ANKS1B: variants seen among roughly 807,000 people sequenced by gnomAD.
The protein encoded by ANKS1B is ankyrin repeat and sterile alpha motif domain-containing protein 1B.
ANKS1B carries 36 observed loss-of-function variants against 148.3 expected under a neutral mutation model. The observed-to-expected ratio is 0.24, with a 90% CI of 0.19 to 0.32. ANKS1B has a LOEUF of 0.32. ANKS1B is among the 10% of genes least tolerant of loss of function. The pLI is 1.00. For synonymous variants in ANKS1B, 542 were observed against 560.8 expected (o/e 0.97, Z 0.47); for missense variants, 1,157 against 1,542.6 (o/e 0.75, Z 4.19).
intron 17 of ANKS1B, among the ~76,000 whole-genome samples, chr12:99,033,222 T>C (rs1221667221): frequency 1.3e-5 from 2 of 152,188 alleles, no homozygotes; most frequent in Non-Finnish European, 2.9e-5. Context: ...TTCTTATGTA[T>C]AGTGAGGATT....
At chr12:98,976,815 T>C (rs1300548451) in intron 17 of ANKS1B, among the ~76,000 whole-genome samples, 1 of 152,228 alleles carries the variant, frequency 6.6e-6, no homozygotes, top group Non-Finnish European at 1.5e-5. Context: ...CGTGAATTGA[T>C]AAAAGTTCTT....
chr12:99,443,097 G>A (rs2095577212), intron 11 of ANKS1B, among the ~76,000 whole-genome samples: 1 of 151,878 alleles, frequency 6.6e-6, no homozygotes, highest in Non-Finnish European at 1.5e-5. Context: ...AAAGAGAAGG[G>A]AGAAAAGAGA....
intron 12 of ANKS1B, among the ~76,000 whole-genome samples, chr12:99,368,627 AT>A (rs1475616673): frequency 1.3e-5 from 2 of 152,012 alleles, no homozygotes; most frequent in African/African-American, 2.4e-5. Flanking sequence ...ATATATGCGT[AT>A]TTTTTCTTGC....
At chr12:99,758,275 A>G (rs75569129) in intron 8 of ANKS1B, among the ~76,000 whole-genome samples, 1,752 of 152,080 alleles carry the variant, frequency 0.012, 30 homozygotes, top group African/African-American at 0.04. Flanking sequence ...ACTGCTAAAT[A>G]CTTTTTACAC....
chr12:99,568,641 T>C (rs1414683922), intron 9 of ANKS1B, among the ~76,000 whole-genome samples: 2 of 152,240 alleles, frequency 1.3e-5, no homozygotes, highest in African/African-American at 2.4e-5. Context: ...TCTTATATTC[T>C]CTGACAAAAT....
chr12:99,151,493 A>G (rs916727145), intron 15 of ANKS1B, among the ~76,000 whole-genome samples: 4 of 150,576 alleles, frequency 2.7e-5, no homozygotes, highest in African/African-American at 9.8e-5. Flanking sequence ...ACACCACTGC[A>G]TTCCAGCCTG....
chr12:99,311,242 T>G (rs2083122682), intron 12 of ANKS1B, among the ~76,000 whole-genome samples: 1 of 152,128 alleles, frequency 6.6e-6, no homozygotes, highest in Non-Finnish European at 1.5e-5. Context: ...TACATTCTCC[T>G]GCTAAATGGG....
intron 17 of ANKS1B, among the ~76,000 whole-genome samples, chr12:98,905,151 A>G (rs1008165095): frequency 2.6e-5 from 4 of 152,202 alleles, no homozygotes; most frequent in African/African-American, 9.7e-5. Flanking sequence ...AGGTTCATTG[A>G]CTAGCTCAAG....
At chr12:99,135,057 A>C (rs2067549242) in intron 15 of ANKS1B, among the ~76,000 whole-genome samples, 1 of 152,172 alleles carries the variant, frequency 6.6e-6, no homozygotes. Context: ...TATAAAAATA[A>C]CTAACCTCTA....
intron 9 of ANKS1B, among the ~76,000 whole-genome samples, chr12:99,610,789 G>A (rs946549940): frequency 2.9e-4 from 44 of 152,040 alleles, no homozygotes; most frequent in African/African-American, 1.0e-3. Context: ...GGGTAGAGGT[G>A]TACAACAATG....
intron 12 of ANKS1B, among the ~76,000 whole-genome samples, chr12:99,298,122 C>A (rs1206645897): frequency 6.6e-6 from 1 of 152,126 alleles, no homozygotes; most frequent in African/African-American, 2.4e-5. Flanking sequence ...GATGTCTGTA[C>A]ATGTCAGGAA....
intron 10 of ANKS1B, among the ~76,000 whole-genome samples, chr12:99,444,987 A>G (rs2095613526): frequency 6.6e-6 from 1 of 152,054 alleles, no homozygotes; most frequent in East Asian, 1.9e-4. Flanking sequence ...TGAGGAATCC[A>G]GACAAAGGCC....
chr12:98,871,745 AT>A (rs1347709312), intron 17 of ANKS1B, among the ~76,000 whole-genome samples: 4 of 152,178 alleles, frequency 2.6e-5, no homozygotes, highest in African/African-American at 9.7e-5. Flanking sequence ...GATAATGTAG[AT>A]TGATGATCCA....
chr12:99,190,579 A>G (rs1330243683), intron 14 of ANKS1B, among the ~76,000 whole-genome samples: 2 of 152,216 alleles, frequency 1.3e-5, no homozygotes, highest in Admixed American at 6.5e-5. Flanking sequence ...CCTGACAAAA[A>G]CAAGCAATGG....
intron 4 of ANKS1B, among the ~76,000 whole-genome samples, chr12:99,789,349 G>A (rs2065359222): frequency 6.6e-6 from 1 of 152,078 alleles, no homozygotes; most frequent in African/African-American, 2.4e-5. Flanking sequence ...TCCTAAGAAG[G>A]ACAGATACAA....
intron 8 of ANKS1B, among the ~76,000 whole-genome samples, chr12:99,768,839 A>C (rs1163913892): frequency 6.9e-6 from 1 of 145,296 alleles, no homozygotes; most frequent in Admixed American, 6.8e-5. Flanking sequence ...AAAAAAAAAA[A>C]AAAAAAAAAC....
chr12:99,323,112 C>A (rs2085622890), intron 12 of ANKS1B, among the ~76,000 whole-genome samples: 2 of 152,098 alleles, frequency 1.3e-5, no homozygotes, highest in Non-Finnish European at 2.9e-5. Flanking sequence ...ATATTATCCT[C>A]CAAAAAGTTT....
intron 17 of ANKS1B, among the ~76,000 whole-genome samples, chr12:98,895,640 C>T (rs913302116): frequency 4.6e-5 from 7 of 152,284 alleles, no homozygotes; most frequent in Admixed American, 2.6e-4. Context: ...GTTCTCAGAG[C>T]GGGTATGATC....
chr12:99,580,246 T>C (rs2097557808), intron 9 of ANKS1B, among the ~76,000 whole-genome samples: 1 of 152,156 alleles, frequency 6.6e-6, no homozygotes, highest in Non-Finnish European at 1.5e-5. Flanking sequence ...TACCAGGTAC[T>C]ATGCTCACTA....
Sources: gnomAD v4.1 joint callset for allele counts (sites outside exome capture counted in the v4.1 genomes callset) on GRCh38, gnomAD v4.1.1 for gene constraint, MANE v1.5 for transcripts, NCBI Gene and HGNC (gene_info 2026-07-23, HGNC 2026-07-21) for gene names.